Variants in NHLH2 observed in about 807,000 individuals in gnomAD.
The protein encoded by NHLH2 is nescient helix-loop-helix 2, also known as helix-loop-helix protein 2.
A neutral mutation model predicts 7.3 loss-of-function variants in NHLH2; 7 were observed. The observed-to-expected ratio is 0.96, with a 90% CI of 0.55 to 1.81. NHLH2 has a LOEUF of 1.81. Ranked by LOEUF, NHLH2 falls within the 40% of genes most tolerant of loss-of-function variation. The pLI is 0.00. For missense variants in NHLH2, 155 were observed against 194.0 expected (o/e 0.80, Z 1.19); for synonymous variants, 93 against 91.6 (o/e 1.01, Z -0.09).
downstream of NHLH2, among the ~76,000 whole-genome samples, chr1:115,833,672 G>A (rs1287554405): frequency 6.6e-6 from 1 of 152,218 alleles, no homozygotes; most frequent in Non-Finnish European, 1.5e-5. Flanking sequence ...CTCACTGGGT[G>A]GTTGTGAGAA....
At chr1:115,833,487 T>G (rs4636460), downstream of NHLH2, among the ~76,000 whole-genome samples, 51,856 of 151,142 alleles carry the variant, frequency 0.34, 8,988 homozygotes, top group Admixed American at 0.44. Context: ...CCAAGGGGGG[T>G]GGTGTGTGAG....
chr1:115,832,810 G>T (rs759622673), downstream of NHLH2, among the ~76,000 whole-genome samples: 5 of 152,148 alleles, frequency 3.3e-5, no homozygotes, highest in African/African-American at 1.2e-4. Context: ...GTGTGGTTAC[G>T]TGTGGTCTGA....
chr1:115,838,410 A>G, intron 2 of NHLH2, 30 bp from the exon 3 acceptor site: 1 of 1,603,544 alleles, frequency 6.2e-7, no homozygotes, highest in Non-Finnish European at 8.5e-7. Flanking sequence ...TTAATCAGTA[A>G]AAGGAATCAG....
At chr1:115,832,205 G>A (rs1268931753), downstream of NHLH2, among the ~76,000 whole-genome samples, 3 of 152,184 alleles carry the variant, frequency 2.0e-5, no homozygotes, top group East Asian at 3.9e-4. Flanking sequence ...ATCATGAGTC[G>A]AGTGGGGCTT....
intron 2 of NHLH2, chr1:115,839,938 T>C (rs1468116994): frequency 6.0e-6 from 1 of 166,984 alleles, no homozygotes; most frequent in African/African-American, 2.4e-5. Context: ...CGTTTATGAG[T>C]AGAACAACTT....
At position 115,838,499 on chromosome 1, in the gene NHLH2, C is replaced by G. The variant is rs559351679; in HGVS notation, c.-8-119G>C. 5.1e-6 allele frequency: 6 copies of G among 1,174,202 alleles called. No individual in the cohort carries two copies. The South Asian group carries it at 6.9e-5, about 13-fold the overall frequency. 72.7% of individuals were successfully genotyped at this position (1,174,202 alleles called of 1,614,324 possible). A position where few individuals can be genotyped will look rare whatever the true frequency, so the allele number is the denominator to read the frequency against. The stretch of plus-strand genomic sequence containing the variant: ...GGACGCGCGGCCCGGGCCCCCTCCC[C>G]ACAGCAGGCCGGCGCGCGACGCGGG... On this transcript the variant is annotated intron_variant, in intron 2 of 2. Transcript: ENST00000320238.
In NHLH2 at chr1:115,837,892, G is replaced by C; in HGVS notation, c.*73C>G. 6.7e-7 allele frequency: 1 copy of C among 1,489,566 alleles called. No individual in the cohort carries two copies. Among genetic ancestry groups the C allele is most frequent in the Non-Finnish European group, 8.9e-7 (1 of 1,118,310 alleles). The allele number at this position is 1,489,566 out of a possible 1,614,324, so 92.3% of individuals were successfully genotyped here. A position where few individuals can be genotyped will look rare whatever the true frequency, so the allele number is the denominator to read the frequency against. Reference sequence around the variant, plus strand: ...GGCCACCGCAGCCTCCGCCACCCGAGCGACGGCGCCCGTCCGGATCCGTAG... The same window carrying C: ...GGCCACCGCAGCCTCCGCCACCCGACCGACGGCGCCCGTCCGGATCCGTAG... On this transcript the variant is annotated 3_prime_UTR_variant, in exon 3 of 3. Coordinates refer to ENST00000320238, the MANE Select transcript of NHLH2 (RefSeq NM_005599.3).
chr1:115,833,008 C>T (rs1220361581), downstream of NHLH2, among the ~76,000 whole-genome samples: 1 of 152,134 alleles, frequency 6.6e-6, no homozygotes, highest in African/African-American at 2.4e-5. Context: ...GAAAATGGCA[C>T]TAGTGAGGGT....
Position 115,838,337 on chromosome 1 carries a change from G to T in NHLH2, c.36C>A (p.Asp12Glu). 1 of 1,609,526 alleles carries T rather than the reference G, an allele frequency of 6.2e-7. No individual in the cohort carries two copies. The highest frequency in any genetic ancestry group is 8.5e-7 in the Non-Finnish European group (1 of 1,179,360). Residue 12 changes from aspartate to glutamate, a missense_variant, in exon 3 of 3, where the codon GAC (aspartate) becomes GAA (glutamate). By Grantham distance (45) the Asp-to-Glu change is conservative. Transcript: ENST00000320238. The part of the protein sequence containing the change: ...MLSPDQAADS[D>E]HPSSAHSDPE... Reference sequence around the variant, plus strand: ...GATCCGAGTGCGCCGAGCTGGGATGGTCCGAATCTGCTGCTTGGTCCGGAC... The same window carrying T: ...GATCCGAGTGCGCCGAGCTGGGATGTTCCGAATCTGCTGCTTGGTCCGGAC...
downstream of NHLH2, among the ~76,000 whole-genome samples, chr1:115,834,371 T>G (rs1570904725): frequency 6.6e-6 from 1 of 151,604 alleles, no homozygotes; most frequent in Admixed American, 6.6e-5. Context: ...GAGAAGAAGG[T>G]GAAGGGACAG....
downstream of NHLH2, among the ~76,000 whole-genome samples, chr1:115,834,985 C>T (rs1375501924): frequency 6.6e-6 from 1 of 152,220 alleles, no homozygotes; most frequent in Non-Finnish European, 1.5e-5. Flanking sequence ...GTCTAGCAGA[C>T]TGCCACCATG....
downstream of NHLH2, among the ~76,000 whole-genome samples, chr1:115,832,520 C>T (rs1430621116): frequency 6.6e-6 from 1 of 152,186 alleles, no homozygotes; most frequent in African/African-American, 2.4e-5. Context: ...AAGCACTATA[C>T]ATTATCCCAT....
chr1:115,833,096 G>A (rs1007416828), downstream of NHLH2, among the ~76,000 whole-genome samples: 2 of 152,128 alleles, frequency 1.3e-5, no homozygotes, highest in Admixed American at 6.5e-5. Flanking sequence ...GGACATTCAC[G>A]AAGGAGGATG....
At chr1:115,838,457 A>T in intron 2 of NHLH2, 77 bp from the exon 3 acceptor site, 2 of 1,495,816 alleles carry the variant, frequency 1.3e-6, no homozygotes, top group South Asian at 2.4e-5. Flanking sequence ...GAGGCCTACC[A>T]CGCCGGTCCT....
In NHLH2 at chr1:115,838,310, CG is replaced by C; in HGVS notation, c.62del (p.Pro21ArgfsTer43). 1 of 1,609,366 alleles carries C rather than the reference CG, an allele frequency of 6.2e-7. No homozygotes were observed. The highest frequency in any genetic ancestry group is 8.5e-7 in the Non-Finnish European group (1 of 1,179,378). On this transcript the variant is annotated frameshift_variant, in exon 3 of 3. Transcript: ENST00000320238. LOFTEE classifies it high-confidence loss of function. ...SDHPSSAHSD[P>X]ESLGGTDTKV... The stretch of plus-strand genomic sequence containing the variant: ...TGGTGTCCGTGCCGCCCAGGGACTC[CG>C]GATCCGAGTGCGCCGAGCTGGGATG...
In NHLH2 at chr1:115,837,812, G is replaced by A. The variant is rs1650920363; in HGVS notation, c.*153C>T. ...TTCCCTCGTCGCCCTGCTGACCAGA[G>A]AGAACAGGTAGCGAGCTTCTTCCCC... On this transcript the variant is annotated 3_prime_UTR_variant, in exon 3 of 3. Coordinates refer to ENST00000320238, the MANE Select transcript of NHLH2 (RefSeq NM_005599.3). 2.5e-6 allele frequency: 2 copies of A among 813,430 alleles called. No homozygotes were observed. The highest frequency in any genetic ancestry group is 7.1e-5 in the Admixed American group (2 of 28,086). The allele number at this position is 813,430 out of a possible 1,614,324, so 50.4% of individuals were successfully genotyped here. A position where few individuals can be genotyped will look rare whatever the true frequency, so the allele number is the denominator to read the frequency against.
rs1650934698 is a variant in NHLH2, at chr1:115,838,178, G to C, written c.195C>G (p.Arg65=). The change falls in exon 3 of 3, where the codon CGC becomes CGG. Residue 65 remains arginine (R), a synonymous_variant. Coordinates refer to ENST00000320238, the MANE Select transcript of NHLH2 (RefSeq NM_005599.3). ...CGCGCCGGCGGCGGCGCTTCTCCTC[G>C]CGGCTCAGCTGCTGCGGGTGCGGGT... is the stretch of plus-strand genomic sequence containing the variant. ...ALYPHPQQLS[R]EEKRRRRRAT... is the part of the protein sequence containing the mutation. The C allele has an allele frequency of 1.2e-5, 19 of 1,576,218 alleles. No individual in the cohort carries two copies. Among genetic ancestry groups the C allele is most frequent in the East Asian group, 2.3e-5 (1 of 42,678 alleles).
At position 115,837,647 on chromosome 1, in the gene NHLH2, A is replaced by G; in HGVS notation, c.*318T>C. The G allele has an allele frequency of 2.8e-6, 1 of 357,900 alleles. No individual in the cohort carries two copies. Among genetic ancestry groups the G allele is most frequent in the South Asian group, 3.6e-5 (1 of 27,546 alleles). The allele number at this position is 357,900 out of a possible 1,614,324, so 22.2% of individuals were successfully genotyped here. On this transcript the variant is annotated 3_prime_UTR_variant, in exon 3 of 3. Transcript: ENST00000320238. ...GAATGTAGGAGAACTCAAAGTCTCC[A>G]GTGGGTTAAAACCACAACCCTTGGG...
chr1:115,831,560 G>C (rs1449765321), downstream of NHLH2, among the ~76,000 whole-genome samples: 1 of 152,150 alleles, frequency 6.6e-6, no homozygotes, highest in East Asian at 1.9e-4. Flanking sequence ...TTGCATATTT[G>C]AGGGGACTTT....
Sources: gnomAD v4.1 joint callset for allele counts (sites outside exome capture counted in the v4.1 genomes callset) on GRCh38, gnomAD v4.1.1 for gene constraint, MANE v1.5 for transcripts, NCBI Gene and HGNC (gene_info 2026-07-23, HGNC 2026-07-21) for gene names.